The following ART3 variants were observed in gnomAD, a reference collection of about 807,000 sequenced individuals.
The protein encoded by ART3 is ecto-ADP-ribosyltransferase 3.
Under a neutral mutation model 48.5 loss-of-function variants are expected in ART3, and 49 were observed. The observed-to-expected ratio is 1.01, with a 90% CI of 0.80 to 1.28. The LOEUF (loss-of-function observed/expected upper bound fraction) is 1.28. Among genes scored for constraint, ART3 ranks in the 50% most tolerant of loss-of-function variants. The pLI is 0.00. For synonymous variants in ART3, 145 were observed against 157.2 expected (o/e 0.92, Z 0.58); for missense variants, 438 against 454.3 (o/e 0.96, Z 0.33).
intron 1 of ART3, among the ~76,000 whole-genome samples, chr4:76,042,458 C>T (rs193113461): frequency 3.9e-5 from 6 of 152,242 alleles, no homozygotes; most frequent in Admixed American, 1.3e-4. Context: ...AAGAGGTTGC[C>T]AGGCATGTAA....
chr4:76,042,837 C>T (rs989895081), intron 1 of ART3, among the ~76,000 whole-genome samples: 31 of 152,078 alleles, frequency 2.0e-4, no homozygotes, highest in African/African-American at 4.1e-4. Flanking sequence ...GGGACCTGAG[C>T]GGGTTGCCAC....
chr4:76,065,872 TTATAAAGTCTGTCTGTACTC>T (rs1477379986), intron 1 of ART3, among the ~76,000 whole-genome samples: 1 of 152,102 alleles, frequency 6.6e-6, no homozygotes, highest in African/African-American at 2.4e-5. Flanking sequence ...TTCATTCCCT[TTATAAAGTCTGTCTGTACTC>T]TGTAACCTTT....
intron 3 of ART3, among the ~76,000 whole-genome samples, chr4:76,082,766 A>G (rs112557576): frequency 5.3e-5 from 8 of 152,232 alleles, no homozygotes; most frequent in African/African-American, 1.9e-4. Flanking sequence ...TTCTTAACCA[A>G]AGGCAGTTTT....
chr4:76,093,952 C>T (rs373773800), intron 3 of ART3, among the ~76,000 whole-genome samples: 6 of 152,218 alleles, frequency 3.9e-5, no homozygotes, highest in African/African-American at 1.4e-4. Context: ...GTTGGGCCTT[C>T]AAGAAGTAAT....
intron 8 of ART3, among the ~76,000 whole-genome samples, chr4:76,103,454 T>G (rs1245722157): frequency 6.6e-6 from 1 of 152,208 alleles, no homozygotes; most frequent in Non-Finnish European, 1.5e-5. Context: ...GTACCTTTTT[T>G]CGCTCCGTGC....
intron 1 of ART3, among the ~76,000 whole-genome samples, chr4:76,029,322 G>A (rs903132809): frequency 2.6e-5 from 4 of 152,292 alleles, no homozygotes; most frequent in Admixed American, 6.5e-5. Context: ...TATAATTCAC[G>A]TTAGGGCATT....
At chr4:76,028,389 C>T (rs373684055) in intron 1 of ART3, among the ~76,000 whole-genome samples, 28 of 152,166 alleles carry the variant, frequency 1.8e-4, no homozygotes, top group East Asian at 9.6e-4. Context: ...GGAAGTATCC[C>T]GCTTTAGTTT....
chr4:76,013,973 T>A (rs191747963), intron 1 of ART3, among the ~76,000 whole-genome samples: 80 of 152,344 alleles, frequency 5.3e-4, no homozygotes, highest in African/African-American at 1.9e-3. Context: ...TATCTATCAA[T>A]TCTTTACATA....
intron 1 of ART3, among the ~76,000 whole-genome samples, chr4:76,031,095 T>C (rs1002485209): frequency 6.6e-6 from 1 of 152,204 alleles, no homozygotes; most frequent in African/African-American, 2.4e-5. Context: ...TCCCAAAGTG[T>C]GGGACACTAC....
chr4:76,012,161 A>G (rs1560571645), intron 1 of ART3: 3 of 152,232 alleles, frequency 2.0e-5, no homozygotes, highest in African/African-American at 7.2e-5. Context: ...AGTGTGGCCC[A>G]GCCTCCCTCT....
chr4:76,106,418 A>C (rs1283701903), intron 10 of ART3: 29 of 960,378 alleles, frequency 3.0e-5, no homozygotes, highest in Non-Finnish European at 3.6e-5. Flanking sequence ...AGAGAAAACA[A>C]ACTTGAGAGG....
chr4:76,069,681 C>A (rs1720122423), intron 1 of ART3, among the ~76,000 whole-genome samples: 2 of 152,060 alleles, frequency 1.3e-5, no homozygotes, highest in Non-Finnish European at 2.9e-5. Context: ...TGAGCCACTG[C>A]ATCCGGCCTT....
In ART3 at chr4:76,051,213, A is replaced by T. The variant is rs2149454508; in HGVS notation, c.-9-24668A>T. On this transcript the variant is annotated intron_variant, in intron 1 of 9. Transcript: ENST00000341029. ...CTGTGAGGACTGCCAGCACACTGTC[A>T]CCTCTCAAAAGTACAGTAGTATAGT... Among the ~76,000 whole-genome samples, 3 of 152,310 alleles carry T rather than the reference A, an allele frequency of 2.0e-5. No individual in the cohort carries two copies. In the South Asian group the frequency reaches 6.2e-4, roughly 32 times the overall value.
intron 1 of ART3, among the ~76,000 whole-genome samples, chr4:76,054,546 T>C (rs1005004433): frequency 2.0e-5 from 3 of 152,220 alleles, no homozygotes; most frequent in Non-Finnish European, 4.4e-5. Flanking sequence ...TTTTAAAATA[T>C]TTAGGCTGGG....
At chr4:76,073,420 G>T (rs764588437), upstream of ART3, among the ~76,000 whole-genome samples, 3 of 152,174 alleles carry the variant, frequency 2.0e-5, no homozygotes, top group Admixed American at 1.3e-4. Flanking sequence ...CTGGGAGTGA[G>T]TCTGTGCTGT....
chr4:76,017,426 A>G (rs1469848997), intron 1 of ART3, among the ~76,000 whole-genome samples: 1 of 151,772 alleles, frequency 6.6e-6, no homozygotes, highest in Non-Finnish European at 1.5e-5. Flanking sequence ...ACTCTATCCT[A>G]CTGTGGCTGA....
chr4:76,037,619 C>T (rs1734556578), intron 1 of ART3, among the ~76,000 whole-genome samples: 1 of 152,088 alleles, frequency 6.6e-6, no homozygotes, highest in African/African-American at 2.4e-5. Flanking sequence ...TGGGATGAGC[C>T]ACGGTGCTTG....
At chr4:76,054,858 T>C (rs1718528721) in intron 1 of ART3, among the ~76,000 whole-genome samples, 1 of 152,240 alleles carries the variant, frequency 6.6e-6, no homozygotes, top group Non-Finnish European at 1.5e-5. Flanking sequence ...ATATTTAGGC[T>C]ATGTTTTCTA....
At chr4:76,066,469 C>A (rs1719749032) in intron 1 of ART3, among the ~76,000 whole-genome samples, 1 of 152,148 alleles carries the variant, frequency 6.6e-6, no homozygotes, top group African/African-American at 2.4e-5. Context: ...GCTCGCTGGT[C>A]ATCCTGAGGT....
Sources: gnomAD v4.1 joint callset for allele counts (sites outside exome capture counted in the v4.1 genomes callset) on GRCh38, gnomAD v4.1.1 for gene constraint, MANE v1.5 for transcripts, NCBI Gene and HGNC (gene_info 2026-07-23, HGNC 2026-07-21) for gene names.